FGGY: variants seen among roughly 807,000 people sequenced by gnomAD.
FGGY encodes the protein FGGY carbohydrate kinase domain-containing protein.
Under a neutral mutation model 71.3 loss-of-function variants are expected in FGGY, and 72 were observed. The ratio of observed to expected loss-of-function variants is 1.01; its 90% CI spans 0.84 to 1.23. The LOEUF (loss-of-function observed/expected upper bound fraction) is 1.23. Ranked by LOEUF, FGGY falls within the 50% of genes most tolerant of loss-of-function variation. FGGY has a pLI of 0.00. For synonymous variants in FGGY, 251 were observed against 250.3 expected (o/e 1.00, Z -0.02); for missense variants, 668 against 682.3 (o/e 0.98, Z 0.23).
intron 7 of FGGY, among the ~76,000 whole-genome samples, chr1:59,547,481 G>A (rs932456576): frequency 8.5e-5 from 13 of 152,160 alleles, no homozygotes; most frequent in Non-Finnish European, 4.4e-5. Context: ...AGATCTGGGT[G>A]TGATATAGTC....
At position 59,564,566 on chromosome 1, in the gene FGGY, T is replaced by C. The variant is rs148390422; in HGVS notation, c.903+10339T>C. The stretch of plus-strand genomic sequence containing the variant: ...TTAGAGGAGCAGAGGATGCTCAAAA[T>C]CATTAGTCGTTAGGGAAATGCAAGT... On this transcript the variant is annotated intron_variant, in intron 8 of 15. Transcript: ENST00000303721. Among the ~76,000 whole-genome samples, 133 of 152,330 alleles carry C rather than the reference T, an allele frequency of 8.7e-4. 1 individual carries two copies. The highest frequency in any genetic ancestry group is 3.1e-3 in the African/African-American group (128 of 41,576).
chr1:59,641,906 G>A (rs1020346827), intron 11 of FGGY, among the ~76,000 whole-genome samples: 1 of 152,124 alleles, frequency 6.6e-6, no homozygotes, highest in African/African-American at 2.4e-5. Flanking sequence ...CCTGAAAACA[G>A]CATAGCTATT....
intron 6 of FGGY, among the ~76,000 whole-genome samples, chr1:59,483,849 C>T (rs2093578629): frequency 6.6e-6 from 1 of 151,824 alleles, no homozygotes; most frequent in African/African-American, 2.4e-5. Flanking sequence ...GTCTTCTCTA[C>T]TCCCACCCCT....
chr1:59,642,273 C>A (rs1165149992), intron 11 of FGGY, among the ~76,000 whole-genome samples: 2 of 152,184 alleles, frequency 1.3e-5, no homozygotes, highest in African/African-American at 4.8e-5. Context: ...TGTACTCTGC[C>A]AACTGGCATT....
chr1:59,405,364 A>G (rs1048643300), intron 5 of FGGY, among the ~76,000 whole-genome samples: 1 of 152,216 alleles, frequency 6.6e-6, no homozygotes, highest in African/African-American at 2.4e-5. Flanking sequence ...AGGTTTTTCA[A>G]TTCTGCAACT....
At chr1:59,492,094 T>C (rs2093884094) in intron 6 of FGGY, among the ~76,000 whole-genome samples, 1 of 152,178 alleles carries the variant, frequency 6.6e-6, no homozygotes, top group South Asian at 2.1e-4. Context: ...TTCACTTCTG[T>C]TCCTATCATT....
intron 8 of FGGY, among the ~76,000 whole-genome samples, chr1:59,588,072 G>C (rs559082700): frequency 6.6e-5 from 10 of 152,248 alleles, no homozygotes; most frequent in African/African-American, 1.9e-4. Context: ...TGTATAACTA[G>C]AATAACCAAT....
chr1:59,623,656 T>G (rs1186916674), intron 9 of FGGY, among the ~76,000 whole-genome samples: 1 of 152,170 alleles, frequency 6.6e-6, no homozygotes, highest in East Asian at 1.9e-4. Context: ...CTCTAGCCCT[T>G]TACTCCTCCA....
intron 6 of FGGY, among the ~76,000 whole-genome samples, chr1:59,503,608 T>TATATATAC (rs1261748045): frequency 4.8e-5 from 7 of 146,766 alleles, no homozygotes; most frequent in Non-Finnish European, 9.0e-5. Context: ...TATATATATA[T>TATATATAC]ATATATATAT....
In FGGY at chr1:59,379,162, A is replaced by ACACACACACACACACACACAC. The variant is rs2059056932; in HGVS notation, c.554+325_554+326insCACACACACACACACACACAC. 2.8e-5 allele frequency among the ~76,000 whole-genome samples: 4 copies of ACACACACACACACACACACAC among 143,236 alleles called. No homozygotes were observed. In the South Asian group the frequency reaches 9.0e-4, roughly 32 times the overall value. 94.0% of individuals were successfully genotyped at this position (143,236 alleles called of 152,430 possible). ...ACATGATGAATAAAAGGAAAAAATA[A>ACACACACACACACACACACAC]ACACACACACACACACACACACACA... On this transcript the variant is annotated intron_variant, in intron 5 of 15. Transcript: ENST00000303721.
intron 8 of FGGY, among the ~76,000 whole-genome samples, chr1:59,579,638 T>C (rs1207481374): frequency 1.3e-5 from 2 of 152,162 alleles, no homozygotes; most frequent in Non-Finnish European, 2.9e-5. Flanking sequence ...TCAGTTCTAC[T>C]GATGGAATCC....
chr1:59,344,936 A>T (rs1342915933), intron 3 of FGGY, among the ~76,000 whole-genome samples: 1 of 152,190 alleles, frequency 6.6e-6, no homozygotes, highest in Non-Finnish European at 1.5e-5. Context: ...GTCCTTGTTC[A>T]TGTTACTATG....
intron 14 of FGGY, among the ~76,000 whole-genome samples, chr1:59,675,744 T>C (rs2097429506): frequency 6.6e-6 from 1 of 152,238 alleles, no homozygotes; most frequent in African/African-American, 2.4e-5. Context: ...CGGCAAATTA[T>C]AATAGTTAAA....
intron 14 of FGGY, among the ~76,000 whole-genome samples, chr1:59,742,551 A>G (rs188665961): frequency 6.6e-6 from 1 of 152,340 alleles, no homozygotes; most frequent in East Asian, 1.9e-4. Context: ...CTAAGGATTC[A>G]TTTACTATTT....
At chr1:59,302,028 C>T (rs140358211) in intron 1 of FGGY, among the ~76,000 whole-genome samples, 14 of 151,698 alleles carry the variant, frequency 9.2e-5, no homozygotes, top group Non-Finnish European at 1.8e-4. Context: ...TGAGCCACTG[C>T]GCCCAGCTGA....
chr1:59,613,394 ACT>A (rs2096712571), intron 9 of FGGY, among the ~76,000 whole-genome samples: 1 of 152,222 alleles, frequency 6.6e-6, no homozygotes, highest in Admixed American at 6.5e-5. Context: ...CTCCTGAATG[ACT>A]ACTGGGTACA....
chr1:59,326,954 T>C (rs1263859253), intron 2 of FGGY, among the ~76,000 whole-genome samples: 1 of 152,258 alleles, frequency 6.6e-6, no homozygotes, highest in African/African-American at 2.4e-5. Flanking sequence ...AAAAAAAGTA[T>C]ATAACTTAAT....
At chr1:59,658,976 C>G (rs1008759249) in intron 11 of FGGY, among the ~76,000 whole-genome samples, 2 of 152,174 alleles carry the variant, frequency 1.3e-5, no homozygotes, top group African/African-American at 2.4e-5. Flanking sequence ...AATCCCAGCA[C>G]TTTGGGAAGC....
intron 12 of FGGY, among the ~76,000 whole-genome samples, chr1:59,662,305 G>A (rs1266401495): frequency 4.8e-5 from 7 of 145,720 alleles, no homozygotes; most frequent in Non-Finnish European, 1.0e-4. Flanking sequence ...GGGTCACAGA[G>A]CGAGACTCCA....
Sources: gnomAD v4.1 joint callset for allele counts (sites outside exome capture counted in the v4.1 genomes callset) on GRCh38, gnomAD v4.1.1 for gene constraint, MANE v1.5 for transcripts, NCBI Gene and HGNC (gene_info 2026-07-23, HGNC 2026-07-21) for gene names.